The following CERT1 variants were observed in gnomAD, a reference collection of about 807,000 sequenced individuals.
The protein encoded by CERT1 is ceramide transfer protein.
In CERT1, 31 loss-of-function variants were observed where a neutral mutation model predicts 87.9. The observed-to-expected ratio is 0.35, with a 90% CI of 0.27 to 0.48. The LOEUF is 0.48. Ranked by LOEUF, CERT1 falls within the 20% of genes least tolerant of loss-of-function variation. CERT1 has a pLI of 0.99. For missense variants in CERT1, 487 were observed against 758.0 expected (o/e 0.64, Z 4.20); for synonymous variants, 289 against 250.9 (o/e 1.15, Z -1.44).
intron 6 of CERT1, among the ~76,000 whole-genome samples, chr5:75,417,266 T>G (rs1024147625): frequency 1.3e-5 from 2 of 152,186 alleles, no homozygotes; most frequent in African/African-American, 4.8e-5. Flanking sequence ...TTCCTGAAAT[T>G]TATTTGCTGT....
chr5:75,498,019 A>T (rs1437328457), intron 2 of CERT1, among the ~76,000 whole-genome samples: 1 of 152,238 alleles, frequency 6.6e-6, no homozygotes, highest in East Asian at 1.9e-4. Flanking sequence ...AGGTGGCCTC[A>T]GATGGAGATG....
In CERT1 at chr5:75,432,011, G is replaced by A. The variant is rs1005214090; in HGVS notation, c.349-5533C>T. Among the ~76,000 whole-genome samples the A allele has an allele frequency of 2.6e-5, 4 of 151,340 alleles. No individual in the cohort carries two copies. The South Asian group carries it at 8.4e-4, about 32-fold the overall frequency. ...CACCAAACTACATTCCACAGTGGCT[G>A]AACTAATTTACGTTCCCACCAGCAG... On this transcript the variant is annotated intron_variant, in intron 3 of 16. Coordinates refer to ENST00000643780, the MANE Select transcript of CERT1 (RefSeq NM_001379029.1).
chr5:75,506,178 C>A, intron 1 of CERT1, 62 bp from the exon 2 acceptor site: 2 of 1,525,030 alleles, frequency 1.3e-6, no homozygotes, highest in East Asian at 2.3e-5. Context: ...TTTTAGAAAT[C>A]CAAACTTTGT....
At chr5:75,442,720 T>C (rs1764374879) in intron 3 of CERT1, among the ~76,000 whole-genome samples, 1 of 151,646 alleles carries the variant, frequency 6.6e-6, no homozygotes, top group South Asian at 2.1e-4. Flanking sequence ...GATCCAAAAA[T>C]AGGTGAGTAT....
Position 75,389,959 on chromosome 5 carries a change from A to C in CERT1, c.1189-272T>G, listed in dbSNP as rs186015497. Reference sequence around the variant, plus strand: ...TAATGTGTATCAAGTGACCAAAATAAGCATTTTCAGGAAAAAAGAAATATT... The same window carrying C: ...TAATGTGTATCAAGTGACCAAAATACGCATTTTCAGGAAAAAAGAAATATT... On this transcript the variant is annotated intron_variant, in intron 11 of 16. Transcript: ENST00000643780. Among the ~76,000 whole-genome samples the C allele has an allele frequency of 1.8e-4, 28 of 152,354 alleles. No homozygotes were observed. The South Asian group carries it at 4.6e-3, about 25-fold the overall frequency.
At chr5:75,377,071 T>G (rs1761346609), downstream of CERT1, 1 of 152,234 alleles carries the variant, frequency 6.6e-6, no homozygotes, top group African/African-American at 2.4e-5. Context: ...CAATATCTAC[T>G]AATATTTTAA....
At chr5:75,439,618 A>G (rs1213045166) in intron 3 of CERT1, among the ~76,000 whole-genome samples, 1 of 152,062 alleles carries the variant, frequency 6.6e-6, no homozygotes, top group Admixed American at 6.5e-5. Flanking sequence ...TAAGCACAAT[A>G]AAGGATTTTT....
At chr5:75,410,984 C>T in intron 8 of CERT1, 27 bp downstream of exon 8, 1 of 1,255,906 alleles carries the variant, frequency 8.0e-7, no homozygotes, top group Non-Finnish European at 1.1e-6. Context: ...CTATGTGTTT[C>T]TCTAAGATCA....
chr5:75,485,149 G>C (rs765914168), intron 2 of CERT1, among the ~76,000 whole-genome samples: 217 of 151,900 alleles, frequency 1.4e-3, no homozygotes, highest in Non-Finnish European at 2.2e-3. Context: ...TGAAACAAAT[G>C]AAAGTGGAAA....
intron 2 of CERT1, among the ~76,000 whole-genome samples, chr5:75,503,829 A>AAATTTAAATTTTTTGTTT (rs1361416202): frequency 1.3e-5 from 2 of 152,152 alleles, no homozygotes; most frequent in African/African-American, 2.4e-5. Flanking sequence ...ATAAATGTTA[A>AAATTTAAATTTTTTGTTT]AATTTAAATT....
rs762493715 is a variant in CERT1, at chr5:75,381,218, C to CA, written c.1618-18dup. On this transcript the variant is annotated splice_polypyrimidine_tract_variant and intron_variant, in intron 15 of 16. Coordinates refer to ENST00000643780, the MANE Select transcript of CERT1 (RefSeq NM_001379029.1). ...GTTGTTTAGCTGCCAAAACAAAAAA[C>CA]AAAGCATCAGTAGATACCCAGTATT... 23 of 1,613,744 alleles carry CA rather than the reference C, an allele frequency of 1.4e-5. No homozygotes were observed. The highest frequency in any genetic ancestry group is 2.5e-6 in the Non-Finnish European group (3 of 1,179,876).
chr5:75,505,884 A>T (rs1767627245), intron 2 of CERT1, 98 bp downstream of exon 2: 1 of 879,950 alleles, frequency 1.1e-6, no homozygotes, highest in Admixed American at 2.5e-5. Flanking sequence ...AAGGATCTTT[A>T]TCTTATCCAC....
At chr5:75,479,367 G>A (rs957810195) in intron 2 of CERT1, among the ~76,000 whole-genome samples, 7 of 151,986 alleles carry the variant, frequency 4.6e-5, no homozygotes, top group Non-Finnish European at 7.4e-5. Flanking sequence ...TACCACAGGG[G>A]TTTGCTGTAC....
upstream of CERT1, chr5:75,511,791 A>G (rs748340498): frequency 1.5e-4 from 232 of 1,551,388 alleles, no homozygotes; most frequent in Non-Finnish European, 1.9e-4. Context: ...CGGGTAGAAA[A>G]GCAGGAGGAG....
intron 11 of CERT1, 67 bp from the exon 12 acceptor site, chr5:75,389,754 C>A: frequency 8.9e-7 from 1 of 1,121,460 alleles, no homozygotes; most frequent in South Asian, 1.3e-5. Context: ...ACAGAATGGT[C>A]TTCAGTTAAC....
chr5:75,507,639 T>G (rs1299152788), intron 1 of CERT1, among the ~76,000 whole-genome samples: 1 of 152,214 alleles, frequency 6.6e-6, no homozygotes, highest in Non-Finnish European at 1.5e-5. Context: ...TTGGGGAGAC[T>G]GCTACTTCTG....
intron 3 of CERT1, among the ~76,000 whole-genome samples, chr5:75,455,598 C>T (rs775279165): frequency 7.2e-5 from 11 of 152,088 alleles, no homozygotes; most frequent in African/African-American, 4.8e-5. Context: ...GTCTGAAATC[C>T]GCTACTGAAA....
chr5:75,373,902 T>C (rs1488213917), downstream of CERT1: 1 of 394,160 alleles, frequency 2.5e-6, no homozygotes, highest in Non-Finnish European at 4.5e-6. Context: ...CTAGTTGTGA[T>C]TCAAAGTTGA....
At chr5:75,390,810 C>T (rs1005718523) in intron 11 of CERT1, among the ~76,000 whole-genome samples, 3 of 152,050 alleles carry the variant, frequency 2.0e-5, no homozygotes, top group African/African-American at 7.2e-5. Context: ...AATCAACTTC[C>T]CCCCTACCCG....
Sources: gnomAD v4.1 joint callset for allele counts (sites outside exome capture counted in the v4.1 genomes callset) on GRCh38, gnomAD v4.1.1 for gene constraint, MANE v1.5 for transcripts, NCBI Gene and HGNC (gene_info 2026-07-23, HGNC 2026-07-21) for gene names.